TECRL: variants seen among roughly 807,000 people sequenced by gnomAD.
The protein encoded by TECRL is trans-2,3-enoyl-CoA reductase like.
TECRL carries 63 observed loss-of-function variants against 52.8 expected under a neutral mutation model. That is an observed-to-expected ratio of 1.19 (90% CI 0.97 to 1.47). The LOEUF is 1.47. Among genes scored for constraint, TECRL ranks in the 40% most tolerant of loss-of-function variants. The pLI, the probability that TECRL is intolerant of heterozygous loss-of-function variation, is 0.00. For missense variants in TECRL, 482 were observed against 429.6 expected (o/e 1.12, Z -1.08); for synonymous variants, 164 against 141.9 (o/e 1.16, Z -1.10).
intron 1 of TECRL, among the ~76,000 whole-genome samples, chr4:64,399,092 T>C (rs779341733): frequency 6.6e-5 from 10 of 152,146 alleles, no homozygotes; most frequent in Non-Finnish European, 1.2e-4. Context: ...CCTGTAGACA[T>C]GGTTTTAGTT....
At chr4:64,384,828 C>T (rs563986222) in intron 1 of TECRL, among the ~76,000 whole-genome samples, 361 of 152,244 alleles carry the variant, frequency 2.4e-3, no homozygotes, top group Non-Finnish European at 1.6e-3. Flanking sequence ...GGCTTCAGCC[C>T]CCTGGATAAT....
chr4:64,398,083 T>C (rs1169939800), intron 1 of TECRL, among the ~76,000 whole-genome samples: 1 of 123,216 alleles, frequency 8.1e-6, no homozygotes, highest in Admixed American at 8.3e-5. Flanking sequence ...TTAAACATTA[T>C]TTTATAGTAG....
intron 2 of TECRL, among the ~76,000 whole-genome samples, chr4:64,352,723 C>T (rs1441665383): frequency 2.0e-5 from 3 of 152,136 alleles, no homozygotes; most frequent in Non-Finnish European, 4.4e-5. Flanking sequence ...CAAACATTCA[C>T]ACACACCACA....
At chr4:64,358,475 A>G (rs1401318282) in intron 2 of TECRL, among the ~76,000 whole-genome samples, 5 of 151,726 alleles carry the variant, frequency 3.3e-5, no homozygotes, top group Admixed American at 1.3e-4. Flanking sequence ...GGAAATACAT[A>G]TAGAAATATT....
At chr4:64,386,481 T>A (rs1445321593) in intron 1 of TECRL, among the ~76,000 whole-genome samples, 3 of 152,034 alleles carry the variant, frequency 2.0e-5, no homozygotes, top group African/African-American at 7.2e-5. Context: ...TTCAAACCAA[T>A]GGTGTTCATG....
At chr4:64,403,838 A>T (rs988248222) in intron 1 of TECRL, among the ~76,000 whole-genome samples, 1 of 149,170 alleles carries the variant, frequency 6.7e-6, no homozygotes, top group African/African-American at 2.4e-5. Context: ...AGAAGAGTAG[A>T]TGGAGCAAAA....
chr4:64,302,903 AATT>A, intron 7 of TECRL, among the ~76,000 whole-genome samples: 1 of 151,336 alleles, frequency 6.6e-6, no homozygotes, highest in East Asian at 1.9e-4. Flanking sequence ...GTTGCTCTTT[AATT>A]ATTATTATAT....
At chr4:64,300,177 A>G (rs1309486176) in intron 7 of TECRL, among the ~76,000 whole-genome samples, 160 bp from the exon 8 acceptor site, 2 of 150,334 alleles carry the variant, frequency 1.3e-5, no homozygotes, top group Non-Finnish European at 3.0e-5. Flanking sequence ...TGCAATCTAA[A>G]GTGTTGACTT....
chr4:64,385,734 G>A (rs954308338), intron 1 of TECRL, among the ~76,000 whole-genome samples: 9 of 152,066 alleles, frequency 5.9e-5, no homozygotes, highest in African/African-American at 2.2e-4. Flanking sequence ...TGTGTGGAAC[G>A]CAATGTGAAC....
chr4:64,395,007 G>A (rs1227845817), intron 1 of TECRL, among the ~76,000 whole-genome samples: 1 of 150,520 alleles, frequency 6.6e-6, no homozygotes. Flanking sequence ...TTGTCTCCGG[G>A]GTTCAAATGA....
chr4:64,344,928 C>A (rs1426904097), intron 2 of TECRL, among the ~76,000 whole-genome samples: 1 of 152,152 alleles, frequency 6.6e-6, no homozygotes, highest in Non-Finnish European at 1.5e-5. Context: ...CATCACAAGT[C>A]AAGTGAGATT....
chr4:64,355,642 C>CA lies in TECRL; in HGVS notation c.286+19529dup, dbSNP rs755046807. Among the ~76,000 whole-genome samples, 635 of 147,338 alleles carry CA rather than the reference C, an allele frequency of 4.3e-3. 4 individuals carry two copies. Among genetic ancestry groups the CA allele is most frequent in the Middle Eastern group, 6.9e-3 (2 of 288 alleles). On this transcript the variant is annotated intron_variant, in intron 2 of 11. Coordinates refer to ENST00000381210, the MANE Select transcript of TECRL (RefSeq NM_001010874.5). Reference sequence around the variant, plus strand: ...TGAAACCGAGTCTCTACTAAAAATCCAAAAAAAAAATTAGCCGGGCATGGT... The same window carrying CA: ...TGAAACCGAGTCTCTACTAAAAATCCAAAAAAAAAAATTAGCCGGGCATGGT...
chr4:64,293,924 C>T (rs985107302), intron 8 of TECRL, among the ~76,000 whole-genome samples: 2 of 150,482 alleles, frequency 1.3e-5, no homozygotes, highest in African/African-American at 4.9e-5. Flanking sequence ...CTTTTATATG[C>T]ATTGATATTG....
chr4:64,403,072 C>T (rs1021944691), intron 1 of TECRL, among the ~76,000 whole-genome samples: 5 of 152,020 alleles, frequency 3.3e-5, no homozygotes, highest in African/African-American at 1.2e-4. Flanking sequence ...AAACATTCCC[C>T]GTGTTCCTAT....
At chr4:64,392,893 A>C (rs1552215) in intron 1 of TECRL, among the ~76,000 whole-genome samples, 135,930 of 151,940 alleles carry the variant, frequency 0.89, 61,509 homozygotes, top group East Asian at 1. Flanking sequence ...CACTACTCAC[A>C]AATGAACAAT....
intron 2 of TECRL, among the ~76,000 whole-genome samples, chr4:64,344,427 G>A (rs1577907338): frequency 2.6e-5 from 4 of 151,874 alleles, no homozygotes; most frequent in South Asian, 4.1e-4. Context: ...GCTCTGTCTT[G>A]TGAAAAAAAC....
intron 1 of TECRL, among the ~76,000 whole-genome samples, chr4:64,393,803 C>T (rs975797277): frequency 2.0e-5 from 3 of 151,810 alleles, no homozygotes; most frequent in Non-Finnish European, 1.5e-5. Flanking sequence ...TCAAGAAGGT[C>T]AGAGTCCCAG....
intron 2 of TECRL, among the ~76,000 whole-genome samples, chr4:64,354,843 A>C (rs1156863322): frequency 2.0e-5 from 3 of 152,236 alleles, no homozygotes; most frequent in Admixed American, 6.5e-5. Context: ...AGACAATTAG[A>C]ATGATAGATG....
chr4:64,299,186 G>A (rs1303025733), intron 8 of TECRL: 1 of 151,206 alleles, frequency 6.6e-6, no homozygotes, highest in Non-Finnish European at 1.5e-5. Context: ...GATATGTAGA[G>A]AGAGAGGAAG....
Sources: allele counts gnomAD v4.1 joint callset (sites outside exome capture counted in the v4.1 genomes callset), GRCh38; gene constraint gnomAD v4.1.1; transcripts MANE v1.5; gene names NCBI Gene and HGNC (gene_info 2026-07-23, HGNC 2026-07-21).